KCNMA1: variants seen among roughly 807,000 people sequenced by gnomAD.
KCNMA1 encodes potassium calcium-activated channel subfamily M alpha 1, also known as Calcium-activated potassium channel subunit alpha-1.
Under a neutral mutation model 140.0 loss-of-function variants are expected in KCNMA1, and 29 were observed. That is an observed-to-expected ratio of 0.21 (90% CI 0.15 to 0.28). The LOEUF is 0.28. Ranked by LOEUF, KCNMA1 falls within the 10% of genes least tolerant of loss-of-function variation. The pLI, the probability that KCNMA1 is intolerant of heterozygous loss-of-function variation, is 1.00. For synonymous variants in KCNMA1, 612 were observed against 611.9 expected (o/e 1.00, Z 0.00); for missense variants, 880 against 1,602.2 (o/e 0.55, Z 7.70).
In KCNMA1 at chr10:77,387,679, G is replaced by A. The variant is rs190178099; in HGVS notation, c.540+16183C>T. The stretch of plus-strand genomic sequence containing the variant: ...GTCACCCAGGTTGGAGTCCAGTAGC[G>A]TGATCTCGGCTCACTGCAACCTCTC... On this transcript the variant is annotated intron_variant, in intron 2 of 27. Transcript: ENST00000286628. Among the ~76,000 whole-genome samples, 11 of 149,136 alleles carry A rather than the reference G, an allele frequency of 7.4e-5. No homozygotes were observed. The East Asian group carries it at 1.2e-3, about 16-fold the overall frequency.
chr10:77,273,030 A>C (rs916148007), intron 2 of KCNMA1, among the ~76,000 whole-genome samples: 1 of 152,214 alleles, frequency 6.6e-6, no homozygotes, highest in Non-Finnish European at 1.5e-5. Flanking sequence ...GAAGTTACCA[A>C]GATACATTCC....
At chr10:76,984,745 A>G (rs1438144313) in intron 19 of KCNMA1, among the ~76,000 whole-genome samples, 2 of 152,226 alleles carry the variant, frequency 1.3e-5, no homozygotes, top group Non-Finnish European at 2.9e-5. Context: ...TTACCTTTTA[A>G]AAACAGTAAC....
chr10:77,512,717 C>T (rs1351060591), intron 1 of KCNMA1, among the ~76,000 whole-genome samples: 1 of 152,184 alleles, frequency 6.6e-6, no homozygotes, highest in Non-Finnish European at 1.5e-5. Flanking sequence ...CACAGACTTA[C>T]ACTGAGAAGA....
intron 9 of KCNMA1, among the ~76,000 whole-genome samples, chr10:77,099,714 CAAAA>C (rs58252192): frequency 2.4e-5 from 3 of 125,806 alleles, no homozygotes; most frequent in African/African-American, 3.0e-5. Context: ...AACTCCATCT[CAAAA>C]AAAAAAAAAA....
chr10:77,406,322 A>G (rs550811846), intron 1 of KCNMA1, among the ~76,000 whole-genome samples: 2 of 152,198 alleles, frequency 1.3e-5, no homozygotes, highest in African/African-American at 2.4e-5. Flanking sequence ...TGGGACCTCA[A>G]TAAGATGGGG....
At chr10:77,402,037 T>C (rs2096285230) in intron 2 of KCNMA1, among the ~76,000 whole-genome samples, 1 of 152,214 alleles carries the variant, frequency 6.6e-6, no homozygotes, top group African/African-American at 2.4e-5. Context: ...AAATTAGAAC[T>C]GTCTATAATG....
At chr10:77,440,739 G>A (rs1380489399) in intron 1 of KCNMA1, among the ~76,000 whole-genome samples, 1 of 152,202 alleles carries the variant, frequency 6.6e-6, no homozygotes, top group African/African-American at 2.4e-5. Flanking sequence ...AAATGTCACT[G>A]GCTTTTGCAG....
intron 22 of KCNMA1, among the ~76,000 whole-genome samples, chr10:76,947,792 A>G (rs1430256364): frequency 6.6e-6 from 1 of 152,224 alleles, no homozygotes; most frequent in Non-Finnish European, 1.5e-5. Context: ...CATTATGTAA[A>G]GGCACATGGT....
At chr10:77,047,570 A>T (rs2095138415) in intron 14 of KCNMA1, among the ~76,000 whole-genome samples, 1 of 149,544 alleles carries the variant, frequency 6.7e-6, no homozygotes, top group Non-Finnish European at 1.5e-5. Context: ...AGTGTTACAT[A>T]TGTGGCAGGA....
intron 1 of KCNMA1, among the ~76,000 whole-genome samples, chr10:77,412,572 A>G (rs1187857123): frequency 1.3e-5 from 2 of 152,186 alleles, no homozygotes; most frequent in East Asian, 3.9e-4. Flanking sequence ...CTCTGAGAAG[A>G]GTCCCTATCT....
chr10:76,969,867 G>A, intron 20 of KCNMA1, 107 bp downstream of exon 20: 1 of 838,190 alleles, frequency 1.2e-6, no homozygotes, highest in Non-Finnish European at 2.1e-6. Context: ...CCCCACCCCG[G>A]GCTTGCTGGG....
At chr10:77,224,749 C>A (rs1266909044) in intron 3 of KCNMA1, among the ~76,000 whole-genome samples, 1 of 152,196 alleles carries the variant, frequency 6.6e-6, no homozygotes, top group Non-Finnish European at 1.5e-5. Flanking sequence ...CCCTATGTGA[C>A]TCTGTGGGAG....
At chr10:77,054,923 T>C (rs1348259843) in intron 14 of KCNMA1, among the ~76,000 whole-genome samples, 1 of 152,136 alleles carries the variant, frequency 6.6e-6, no homozygotes, top group Non-Finnish European at 1.5e-5. Flanking sequence ...TGCAGTTTGC[T>C]GAATTATAGT....
chr10:77,149,232 A>G (rs973271002), intron 5 of KCNMA1, among the ~76,000 whole-genome samples: 3 of 152,216 alleles, frequency 2.0e-5, no homozygotes, highest in African/African-American at 7.2e-5. Flanking sequence ...TAAGGGGAGA[A>G]GAGTCTCTTT....
At position 77,242,899 on chromosome 10, in the gene KCNMA1, T is replaced by TACACACACACACAC. The variant is rs199668848; in HGVS notation, c.602+8282_602+8295dup. Among the ~76,000 whole-genome samples the TACACACACACACAC allele has an allele frequency of 6.5e-4, 73 of 111,658 alleles. 1 individual carries two copies. In the East Asian group the frequency reaches 7.1e-3, roughly 11 times the overall value. The allele number at this position is 111,658 out of a possible 152,430, so 73.3% of individuals were successfully genotyped here. A position where few individuals can be genotyped will look rare whatever the true frequency, so the allele number is the denominator to read the frequency against. On this transcript the variant is annotated intron_variant, in intron 3 of 27. Coordinates refer to ENST00000286628, the MANE Select transcript of KCNMA1 (RefSeq NM_001161352.2). ...TTTTAGGCAGGACATAATTGTTTCC[T>TACACACACACACAC]ACACACACACACACACACACACACA...
intron 1 of KCNMA1, among the ~76,000 whole-genome samples, chr10:77,586,610 GA>G (rs2077347431): frequency 6.6e-6 from 1 of 152,128 alleles, no homozygotes; most frequent in Non-Finnish European, 1.5e-5. Context: ...TAATAAATTT[GA>G]ATAATTAAGC....
In KCNMA1 at chr10:77,333,772, C is replaced by T. The variant is rs549415612; in HGVS notation, c.540+70090G>A. On this transcript the variant is annotated intron_variant, in intron 2 of 27. Coordinates refer to ENST00000286628, the MANE Select transcript of KCNMA1 (RefSeq NM_001161352.2). ...GCCTCAGACTACTACGGAGTGACTC[C>T]GCAGCTGCTGAAGTGTTGCCTAATT... is the stretch of plus-strand genomic sequence containing the variant. 7.9e-5 allele frequency among the ~76,000 whole-genome samples: 12 copies of T among 152,262 alleles called. No homozygotes were observed. In the South Asian group the frequency reaches 1.7e-3, roughly 21 times the overall value.
intron 1 of KCNMA1, among the ~76,000 whole-genome samples, chr10:77,588,446 T>C (rs2077950321): frequency 6.6e-6 from 1 of 152,194 alleles, no homozygotes; most frequent in Admixed American, 6.5e-5. Flanking sequence ...GACTGCAGTC[T>C]GGGCCCTGAT....
intron 3 of KCNMA1, among the ~76,000 whole-genome samples, chr10:77,209,338 A>G (rs546035147): frequency 1.1e-4 from 17 of 152,364 alleles, no homozygotes; most frequent in African/African-American, 4.1e-4. Flanking sequence ...AAGCTACCCA[A>G]TAACCTGAGG....
Sources: allele counts gnomAD v4.1 joint callset (sites outside exome capture counted in the v4.1 genomes callset), GRCh38; gene constraint gnomAD v4.1.1; transcripts MANE v1.5; gene names NCBI Gene and HGNC (gene_info 2026-07-23, HGNC 2026-07-21).